RAD52: variants seen among roughly 807,000 people sequenced by gnomAD.
RAD52 encodes RAD52 DNA repair protein.
Under a neutral mutation model 55.5 loss-of-function variants are expected in RAD52, and 47 were observed. That is an observed-to-expected ratio of 0.85 (90% confidence interval 0.67 to 1.08). RAD52 has a LOEUF of 1.08. Among genes scored for constraint, RAD52 ranks in the 50% least tolerant of loss-of-function variants. The probability of loss-of-function intolerance (pLI) is 0.00; values close to 1 mark genes in which losing one functional copy is unlikely to be tolerated. For missense variants in RAD52, 468 were observed against 522.8 expected (o/e 0.90, Z 1.02); for synonymous variants, 184 against 198.9 (o/e 0.92, Z 0.63).
Position 979,328 on chromosome 12 carries a change from C to T in RAD52, c.-19+10481G>A, listed in dbSNP as rs866756007. Among the ~76,000 whole-genome samples, 28 of 152,092 alleles carry T rather than the reference C, an allele frequency of 1.8e-4. No homozygotes were observed. The Middle Eastern group carries it at 9.5e-3, about 52-fold the overall frequency. ...TGGTGATACACGCCTCTAATCCCAGCTACTTGGGAGGCTGAGGCATAAGAA... is the reference window on the plus strand; with the variant it reads ...TGGTGATACACGCCTCTAATCCCAGTTACTTGGGAGGCTGAGGCATAAGAA... On this transcript the variant is annotated intron_variant, in intron 1 of 11. Coordinates refer to the RAD52 transcript ENST00000430095.
intron 1 of RAD52, among the ~76,000 whole-genome samples, chr12:935,762 A>G (rs544106847): frequency 7.3e-4 from 111 of 151,796 alleles, no homozygotes; most frequent in African/African-American, 2.7e-3. Flanking sequence ...CTGAGGCAAG[A>G]GAATCGCTTG....
intron 1 of RAD52, among the ~76,000 whole-genome samples, chr12:956,453 A>AT (rs1958607810): frequency 6.6e-6 from 1 of 152,194 alleles, no homozygotes; most frequent in Non-Finnish European, 1.5e-5. Context: ...CAAATTCTGG[A>AT]ATCTCTTATT....
rs1956157111 is a variant in RAD52 at position 912,726 on chromosome 12, A to AAAAAG, written c.*664_*665insCTTTT. On this transcript the variant is annotated 3_prime_UTR_variant, in exon 12 of 12. Transcript: ENST00000358495. ...CAACACAGCCAGACCCCGTCTCAAAAAAAAAAAAAAAAAAAAAAACAAAAA... is the reference window on the plus strand; with the variant it reads ...CAACACAGCCAGACCCCGTCTCAAAAAAAAGAAAAAAAAAAAAAAAAAAACAAAAA... The AAAAAG allele has an allele frequency of 9.5e-6, 1 of 105,534 alleles. No homozygotes were observed. The highest frequency in any genetic ancestry group is 2.0e-5 in the Non-Finnish European group (1 of 49,934). 6.5% of individuals were successfully genotyped at this position (105,534 alleles called of 1,614,324 possible).
intron 1 of RAD52, among the ~76,000 whole-genome samples, chr12:948,980 T>G (rs1958413006): frequency 6.6e-6 from 1 of 152,176 alleles, no homozygotes; most frequent in Admixed American, 6.5e-5. Context: ...ATTACAGGTG[T>G]GAGACGCCGC....
intron 8 of RAD52, 42 bp downstream of exon 8, chr12:916,597 A>C: frequency 6.3e-7 from 1 of 1,599,110 alleles, no homozygotes; most frequent in Non-Finnish European, 8.5e-7. Context: ...CCCGTGACAC[A>C]GGAGGGGCCG....
chr12:984,544 AATCAT>A (rs1211964381), intron 1 of RAD52, among the ~76,000 whole-genome samples: 8 of 151,892 alleles, frequency 5.3e-5, no homozygotes, highest in Admixed American at 5.2e-4. Context: ...ATATGAATGT[AATCAT>A]ATAAGATCTA....
At chr12:925,653 AT>A in intron 6 of RAD52, 128 bp from the exon 7 acceptor site, 1 of 697,916 alleles carries the variant, frequency 1.4e-6, no homozygotes, top group South Asian at 1.6e-5. Flanking sequence ...CCTAACATGC[AT>A]TCCCCATTGA....
At chr12:914,991 G>A (rs983824362) in intron 9 of RAD52, among the ~76,000 whole-genome samples, 4 of 152,104 alleles carry the variant, frequency 2.6e-5, no homozygotes, top group African/African-American at 9.7e-5. Flanking sequence ...AATATCAGCG[G>A]GTGTGGTAGC....
chr12:985,449 T>C (rs1959073929), intron 1 of RAD52, among the ~76,000 whole-genome samples: 1 of 152,184 alleles, frequency 6.6e-6, no homozygotes, highest in South Asian at 2.1e-4. Flanking sequence ...CTGGTCTCAA[T>C]TTTTTTCTTT....
rs181783722 is a variant in RAD52, at chr12:947,076, C to A, written c.-19+2526G>T. On this transcript the variant is annotated intron_variant, in intron 1 of 11. Transcript: ENST00000358495. ...GCGCAGTGGCTCACGCCTGTAATCC[C>A]AACACTTTGGGAGGCCAAGGCGGGA... 7.9e-5 allele frequency among the ~76,000 whole-genome samples: 12 copies of A among 152,342 alleles called. No homozygotes were observed. The East Asian group carries it at 2.1e-3, about 27-fold the overall frequency.
At position 932,611 on chromosome 12, in the gene RAD52, C is replaced by A. The variant is rs547411807; in HGVS notation, c.84+364G>T. On this transcript the variant is annotated intron_variant, in intron 2 of 11. Coordinates refer to ENST00000358495, the MANE Select transcript of RAD52 (RefSeq NM_134424.4). The stretch of plus-strand genomic sequence containing the variant: ...TACAAATATGTTATCTATCCCCCCC[C>A]ACAAAAAATTTAAAATCTAAATCTA... Among the ~76,000 whole-genome samples the A allele has an allele frequency of 3.3e-5, 5 of 152,162 alleles. No individual in the cohort carries two copies. The South Asian group carries it at 6.2e-4, about 19-fold the overall frequency.
chr12:951,350 A>G (rs374377129), upstream of RAD52, among the ~76,000 whole-genome samples: 1 of 152,144 alleles, frequency 6.6e-6, no homozygotes, highest in Non-Finnish European at 1.5e-5. Context: ...GGCCTCAAGC[A>G]ATTCTCCTGT....
In RAD52 at chr12:933,091, A is replaced by G; in HGVS notation, c.-18-15T>C. The G allele has an allele frequency of 1.3e-6, 2 of 1,544,882 alleles. No individual in the cohort carries two copies. Among genetic ancestry groups the G allele is most frequent in the Non-Finnish European group, 1.8e-6 (2 of 1,136,658 alleles). ...CTGGTTGACCTCTATATAAATAAAA[A>G]GCGGAAAAAAAAAACAACCCTCAAA... is the stretch of plus-strand genomic sequence containing the variant. On this transcript the variant is annotated splice_polypyrimidine_tract_variant and intron_variant, in intron 1 of 11. Coordinates refer to ENST00000358495, the MANE Select transcript of RAD52 (RefSeq NM_134424.4).
rs144661578 is a variant in RAD52 at position 965,993 on chromosome 12, T to C, written c.-19+23816A>G. On this transcript the variant is annotated intron_variant, in intron 1 of 11. Coordinates refer to the RAD52 transcript ENST00000430095. Reference sequence around the variant, plus strand: ...ACCACTGTGCCTGGCTGTTTGTTTTTTGAGTCAGGATCTCCCTCTGTCACC... The same window carrying C: ...ACCACTGTGCCTGGCTGTTTGTTTTCTGAGTCAGGATCTCCCTCTGTCACC... 1.4e-4 allele frequency among the ~76,000 whole-genome samples: 22 copies of C among 152,072 alleles called. 2 individuals carry two copies. Among genetic ancestry groups the C allele is most frequent in the African/African-American group, 5.1e-4 (21 of 41,404 alleles).
At position 942,273 on chromosome 12, in the gene RAD52, C is replaced by T. The variant is rs188092186; in HGVS notation, c.-19+7329G>A. Among the ~76,000 whole-genome samples, 3 of 152,270 alleles carry T rather than the reference C, an allele frequency of 2.0e-5. No homozygotes were observed. In the East Asian group the frequency reaches 5.8e-4, roughly 29 times the overall value. On this transcript the variant is annotated intron_variant, in intron 1 of 11. Transcript: ENST00000358495. ...GAACAATGGAACAGAAAAGGGAGTGCAGACATCAATTACCATTTGTACAGT... is the reference window on the plus strand; with the variant it reads ...GAACAATGGAACAGAAAAGGGAGTGTAGACATCAATTACCATTTGTACAGT...
intron 2 of RAD52, among the ~76,000 whole-genome samples, chr12:932,140 G>A (rs755871321): frequency 5.9e-5 from 9 of 151,698 alleles, no homozygotes; most frequent in Non-Finnish European, 1.2e-4. Flanking sequence ...GGCAGATCAC[G>A]AGGTCAGGAG....
intron 7 of RAD52, among the ~76,000 whole-genome samples, chr12:917,767 A>C (rs1315420183): frequency 2.4e-5 from 2 of 84,796 alleles, no homozygotes; most frequent in African/African-American, 7.7e-5. Context: ...TCTACTAAAA[A>C]TACAAAAAAA....
chr12:923,384 A>C (rs1637), intron 7 of RAD52, among the ~76,000 whole-genome samples: 2,716 of 152,076 alleles, frequency 0.018, 41 homozygotes, highest in Non-Finnish European at 0.029. Context: ...AATAGTAATA[A>C]TTGTTTAAAA....
chr12:933,459 G>A (rs1321762838), intron 1 of RAD52, among the ~76,000 whole-genome samples: 11 of 139,730 alleles, frequency 7.9e-5, no homozygotes, highest in Admixed American at 7.2e-5. Flanking sequence ...TCCATTTCAG[G>A]AAAAAAAAAA....
Sources: allele counts gnomAD v4.1 joint callset (sites outside exome capture counted in the v4.1 genomes callset), GRCh38; gene constraint gnomAD v4.1.1; transcripts MANE v1.5; gene names NCBI Gene and HGNC (gene_info 2026-07-23, HGNC 2026-07-21).